Variants in ARHGAP32 observed in about 807,000 individuals in gnomAD.
The protein encoded by ARHGAP32 is Rho GTPase activating protein 32.
ARHGAP32 carries 51 observed loss-of-function variants against 186.5 expected under a neutral mutation model. The observed-to-expected ratio is 0.27, with a 90% CI of 0.22 to 0.35. The LOEUF (loss-of-function observed/expected upper bound fraction) is 0.35, where lower values mean the gene tolerates loss of function less well. Among genes scored for constraint, ARHGAP32 ranks in the 10% least tolerant of loss-of-function variants. ARHGAP32 has a pLI of 1.00. For synonymous variants in ARHGAP32, 950 were observed against 964.3 expected (o/e 0.99, Z 0.27); for missense variants, 2,186 against 2,623.5 (o/e 0.83, Z 3.64).
Position 128,971,057 on chromosome 11 carries a change from A to G in ARHGAP32, c.4156T>C (p.Cys1386Arg), listed in dbSNP as rs146921997. ...GGCTGGACAGCTGTAGCCATGGGAC[A>G]CTGAGCAGCAGCAGCACCACTGTCA... ...ISDSGAAAAQ[C>R]PMATAVQPGL... Residue 1386 changes from cysteine (C) to arginine (R), a missense_variant, in exon 23 of 23, where the codon TGT becomes CGT. Cys to Arg is a radical substitution (Grantham distance 180, BLOSUM62 -3). Around this residue, in one of 5 missense-constraint regions of ARHGAP32, gnomAD observed 1,502 missense variants for 1,570.0 expected, o/e 0.96. Coordinates refer to ENST00000682385, the MANE Select transcript of ARHGAP32 (RefSeq NM_001378024.1). 4 of 1,614,046 alleles carry G rather than the reference A, an allele frequency of 2.5e-6. No homozygotes were observed. In the African/African-American group the frequency reaches 5.3e-5, roughly 22 times the overall value.
intron 2 of ARHGAP32, among the ~76,000 whole-genome samples, chr11:129,139,298 T>C (rs1189208181): frequency 6.6e-6 from 1 of 152,148 alleles, no homozygotes; most frequent in Non-Finnish European, 1.5e-5. Flanking sequence ...TAAACAGCAA[T>C]AATATGTCCT....
chr11:129,227,573 T>C (rs1944803202), intron 1 of ARHGAP32, among the ~76,000 whole-genome samples: 1 of 151,138 alleles, frequency 6.6e-6, no homozygotes, highest in African/African-American at 2.4e-5. Context: ...AGTGAAAGGA[T>C]GGAAAAGCTA....
At chr11:129,103,121 T>A in intron 5 of ARHGAP32, among the ~76,000 whole-genome samples, 1 of 152,166 alleles carries the variant, frequency 6.6e-6, no homozygotes, top group East Asian at 1.9e-4. Flanking sequence ...AACACTGTGC[T>A]CATGTTAAAT....
At chr11:129,060,384 A>ATAG (rs1565401813) in intron 10 of ARHGAP32, among the ~76,000 whole-genome samples, 142 of 134,348 alleles carry the variant, frequency 1.1e-3, no homozygotes, top group African/African-American at 3.4e-3. Context: ...TAGATAGATA[A>ATAG]GATAGACAGA....
intron 11 of ARHGAP32, among the ~76,000 whole-genome samples, chr11:129,003,581 G>A (rs997646581): frequency 2.0e-5 from 3 of 152,066 alleles, no homozygotes; most frequent in Non-Finnish European, 4.4e-5. Context: ...GTCTGTTCAG[G>A]TTTTGGATTT....
intron 11 of ARHGAP32, among the ~76,000 whole-genome samples, chr11:129,026,455 T>A (rs1370322502): frequency 6.6e-6 from 1 of 152,048 alleles, no homozygotes; most frequent in East Asian, 1.9e-4. Context: ...AAAAGGAGAA[T>A]TCACTGGAAA....
intron 10 of ARHGAP32, among the ~76,000 whole-genome samples, chr11:129,050,660 A>T (rs1474579673): frequency 1.3e-5 from 2 of 152,214 alleles, no homozygotes; most frequent in African/African-American, 4.8e-5. Context: ...TTTCTTTATT[A>T]TACTTTAAGT....
chr11:129,071,361 G>GA lies in ARHGAP32; in HGVS notation c.532-4494dup, dbSNP rs563222584. ...TTTTAAAAATTCAAAGAACTCTACA[G>GA]AAAAAAAAAATAACCCAATTAACCA... is the stretch of plus-strand genomic sequence containing the variant. On this transcript the variant is annotated intron_variant, in intron 6 of 22. Coordinates refer to ENST00000682385, the MANE Select transcript of ARHGAP32 (RefSeq NM_001378024.1). Among the ~76,000 whole-genome samples the GA allele has an allele frequency of 5.2e-3, 752 of 145,772 alleles. 1 individual carries two copies. The highest frequency in any genetic ancestry group is 7.9e-3 in the Non-Finnish European group (523 of 65,876).
At chr11:129,171,528 A>G (rs1943760176) in intron 1 of ARHGAP32, among the ~76,000 whole-genome samples, 1 of 152,128 alleles carries the variant, frequency 6.6e-6, no homozygotes, top group South Asian at 2.1e-4. Flanking sequence ...CCATTGGTCT[A>G]TATGTCTGTT....
intron 1 of ARHGAP32, among the ~76,000 whole-genome samples, chr11:129,190,794 G>T (rs1427022504): frequency 3.3e-5 from 5 of 152,084 alleles, no homozygotes; most frequent in Non-Finnish European, 7.4e-5. Flanking sequence ...TTGTTAGCAA[G>T]ACACAAACCA....
chr11:128,974,000 G>A lies in ARHGAP32; in HGVS notation c.3073+124C>T, dbSNP rs1945470324. ...GGCTCTGAGCCATCAGCACCACCCA[G>A]AAAAGCATTCTCTTTGATTAAAGGC... On this transcript the variant is annotated intron_variant, in intron 21 of 22. Coordinates refer to ENST00000682385, the MANE Select transcript of ARHGAP32 (RefSeq NM_001378024.1). The A allele has an allele frequency of 1.9e-5, 24 of 1,231,174 alleles. No homozygotes were observed. The East Asian group carries it at 5.6e-4, about 29-fold the overall frequency. 76.3% of individuals were successfully genotyped at this position (1,231,174 alleles called of 1,614,324 possible). A position where few individuals can be genotyped will look rare whatever the true frequency, so the allele number is the denominator to read the frequency against.
intron 11 of ARHGAP32, among the ~76,000 whole-genome samples, chr11:129,035,478 G>C (rs1939291559): frequency 6.6e-6 from 1 of 152,142 alleles, no homozygotes; most frequent in Non-Finnish European, 1.5e-5. Context: ...TTATACCGTA[G>C]GCAAAGACAG....
At chr11:129,233,110 T>C (rs1944880800) in intron 1 of ARHGAP32, among the ~76,000 whole-genome samples, 1 of 152,128 alleles carries the variant, frequency 6.6e-6, no homozygotes, top group South Asian at 2.1e-4. Flanking sequence ...TATAATATTA[T>C]ACTCCAATGA....
intron 1 of ARHGAP32, among the ~76,000 whole-genome samples, chr11:129,259,816 G>A (rs962075596): frequency 2.6e-5 from 4 of 152,146 alleles, no homozygotes; most frequent in Non-Finnish European, 5.9e-5. Context: ...ATTTTGCTAT[G>A]CAGACATGAG....
rs781182857 is a variant in ARHGAP32 at position 128,988,011 on chromosome 11, A to G, written c.1298+12T>C. The G allele has an allele frequency of 3.8e-6, 6 of 1,594,260 alleles. No homozygotes were observed. The African/African-American group carries it at 5.4e-5, about 14-fold the overall frequency. On this transcript the variant is annotated intron_variant, in intron 13 of 22. Transcript: ENST00000682385. ...TTAAGAAGGAGTGAAAAAGTGCCAT[A>G]TAAGATTTTACCGTAGTCTCTGGAT...
intron 2 of ARHGAP32, among the ~76,000 whole-genome samples, chr11:129,139,675 T>G (rs1353179586): frequency 2.0e-5 from 3 of 152,182 alleles, no homozygotes; most frequent in Admixed American, 2.0e-4. Context: ...TCTCTTTGCC[T>G]GCCGCCATCC....
upstream of ARHGAP32, among the ~76,000 whole-genome samples, chr11:129,193,727 TA>T (rs1944349710): frequency 1.3e-5 from 1 of 76,072 alleles, no homozygotes; most frequent in Non-Finnish European, 2.6e-5. Flanking sequence ...TTATATATTA[TA>T]TATAATATAT....
intron 11 of ARHGAP32, among the ~76,000 whole-genome samples, chr11:129,028,248 G>A (rs579767): frequency 0.65 from 98,376 of 152,054 alleles, 32,201 homozygotes; most frequent in Middle Eastern, 0.71. Context: ...AACTCAGGTG[G>A]GCTGAATGCA....
At chr11:129,101,243 C>T (rs1283899264) in intron 5 of ARHGAP32, among the ~76,000 whole-genome samples, 2 of 152,140 alleles carry the variant, frequency 1.3e-5, no homozygotes, top group Non-Finnish European at 2.9e-5. Flanking sequence ...AAAGACTGTA[C>T]ATAAGCCCAC....
Sources: allele counts gnomAD v4.1 joint callset (sites outside exome capture counted in the v4.1 genomes callset), GRCh38; gene constraint gnomAD v4.1.1; regional missense constraint gnomAD v4.1.1; transcripts MANE v1.5; gene names NCBI Gene and HGNC (gene_info 2026-07-23, HGNC 2026-07-21).